Variants in ATP1B3 observed in about 807,000 individuals in gnomAD.
ATP1B3 encodes sodium/potassium-transporting ATPase subunit beta-3.
ATP1B3 carries 10 observed loss-of-function variants against 30.2 expected under a neutral mutation model. The ratio of observed to expected loss-of-function variants is 0.33; its 90% CI spans 0.20 to 0.56. The LOEUF is 0.56. Ranked by LOEUF, ATP1B3 falls within the 20% of genes least tolerant of loss-of-function variation. The pLI is 0.90. For missense variants in ATP1B3, 238 were observed against 336.7 expected (o/e 0.71, Z 2.29); for synonymous variants, 113 against 117.0 (o/e 0.97, Z 0.22).
intron 1 of ATP1B3, among the ~76,000 whole-genome samples, chr3:141,887,827 A>C (rs1340354983): frequency 2.0e-5 from 3 of 152,230 alleles, no homozygotes; most frequent in African/African-American, 4.8e-5. Context: ...GGTTTTATTT[A>C]TGTGAAATTC....
chr3:141,888,674 A>T (rs780268588), intron 1 of ATP1B3, among the ~76,000 whole-genome samples: 4 of 152,140 alleles, frequency 2.6e-5, no homozygotes, highest in African/African-American at 7.2e-5. Context: ...TAATCCCCAC[A>T]TGCCATGGGA....
intron 5 of ATP1B3, among the ~76,000 whole-genome samples, chr3:141,917,220 G>C (rs1348175582): frequency 2.0e-5 from 3 of 152,038 alleles, no homozygotes; most frequent in Non-Finnish European, 4.4e-5. Context: ...CCCACATTTT[G>C]AGAACTCCCG....
intron 1 of ATP1B3, among the ~76,000 whole-genome samples, chr3:141,879,652 G>C (rs1404253732): frequency 2.0e-5 from 3 of 151,200 alleles, no homozygotes; most frequent in African/African-American, 7.3e-5. Flanking sequence ...GGTGGCACCT[G>C]CCTGTAATCA....
intron 3 of ATP1B3, among the ~76,000 whole-genome samples, chr3:141,910,503 T>C (rs1038929177): frequency 6.6e-6 from 1 of 152,208 alleles, no homozygotes; most frequent in Non-Finnish European, 1.5e-5. Flanking sequence ...ATTGATTTAC[T>C]ATTTTTAGTT....
At chr3:141,916,440 G>T in intron 5 of ATP1B3, 1 of 649,248 alleles carries the variant, frequency 1.5e-6, no homozygotes, top group Non-Finnish European at 2.5e-6. Context: ...TTTTCCTTAA[G>T]GTAGAAGCAT....
At chr3:141,906,974 G>A (rs991142320) in intron 2 of ATP1B3, among the ~76,000 whole-genome samples, 193 bp from the exon 3 acceptor site, 12 of 152,164 alleles carry the variant, frequency 7.9e-5, no homozygotes, top group Non-Finnish European at 7.4e-5. Context: ...GTCTGAGATG[G>A]TTTTGAAGGT....
chr3:141,910,274 C>G (rs1368400371), intron 3 of ATP1B3, among the ~76,000 whole-genome samples: 4 of 152,100 alleles, frequency 2.6e-5, no homozygotes, highest in African/African-American at 4.8e-5. Flanking sequence ...AGCACCTGGC[C>G]TTTGGATGTG....
At chr3:141,906,382 A>G (rs936119808) in intron 2 of ATP1B3, among the ~76,000 whole-genome samples, 16 of 152,118 alleles carry the variant, frequency 1.1e-4, no homozygotes, top group Admixed American at 5.9e-4. Flanking sequence ...GTTTCACTAT[A>G]TTGGCCAGGC....
At chr3:141,878,989 C>T (rs1468030820) in intron 1 of ATP1B3, among the ~76,000 whole-genome samples, 1 of 152,136 alleles carries the variant, frequency 6.6e-6, no homozygotes, top group Non-Finnish European at 1.5e-5. Flanking sequence ...CTTGCAAAGG[C>T]AGGATCAGTT....
intron 5 of ATP1B3, among the ~76,000 whole-genome samples, chr3:141,919,403 C>T (rs1934526025): frequency 6.6e-6 from 1 of 152,058 alleles, no homozygotes; most frequent in African/African-American, 2.4e-5. Context: ...AGGTGTGAAC[C>T]ACCGCAGATG....
At chr3:141,905,536 A>G (rs1934249511) in intron 2 of ATP1B3, among the ~76,000 whole-genome samples, 2 of 151,946 alleles carry the variant, frequency 1.3e-5, no homozygotes, top group African/African-American at 4.8e-5. Flanking sequence ...TGTCTCAACC[A>G]TTTTTTTTCC....
intron 1 of ATP1B3, among the ~76,000 whole-genome samples, chr3:141,885,429 TTTTTC>T (rs1559864813): frequency 1.3e-5 from 2 of 151,754 alleles, no homozygotes; most frequent in Admixed American, 6.6e-5. Context: ...TGCCTTTTCT[TTTTTC>T]TTTTCTTTTC....
At chr3:141,907,514 G>A (rs569417757) in intron 3 of ATP1B3, among the ~76,000 whole-genome samples, 94 of 152,188 alleles carry the variant, frequency 6.2e-4, no homozygotes, top group African/African-American at 2.1e-3. Context: ...GGTAGCACGC[G>A]CCTGTAATTC....
intron 1 of ATP1B3, among the ~76,000 whole-genome samples, chr3:141,879,400 T>C (rs1933671897): frequency 6.6e-6 from 1 of 152,130 alleles, no homozygotes. Flanking sequence ...CAATTTATAC[T>C]CCCAACGGTA....
chr3:141,918,048 G>A (rs1934501014), intron 5 of ATP1B3, among the ~76,000 whole-genome samples: 1 of 152,062 alleles, frequency 6.6e-6, no homozygotes, highest in African/African-American at 2.4e-5. Context: ...GATTACAGGC[G>A]TGAGCCACCG....
intron 4 of ATP1B3, 36 bp from the exon 5 acceptor site, chr3:141,915,934 G>A (rs762785935): frequency 5.5e-5 from 86 of 1,553,128 alleles, no homozygotes; most frequent in Admixed American, 8.8e-5. Flanking sequence ...GCATACTTAC[G>A]TGAAGTTTAA....
At chr3:141,889,756 T>TATACAC (rs1201511323) in intron 1 of ATP1B3, among the ~76,000 whole-genome samples, 32 of 84,034 alleles carry the variant, frequency 3.8e-4, no homozygotes, top group East Asian at 2.0e-3. Flanking sequence ...AAAAAATATA[T>TATACAC]ACACACACAC....
chr3:141,892,471 A>T (rs1232128430), intron 1 of ATP1B3, among the ~76,000 whole-genome samples: 3 of 151,990 alleles, frequency 2.0e-5, no homozygotes, highest in African/African-American at 4.8e-5. Flanking sequence ...TATTCCTGCC[A>T]TATTATTGAC....
rs559884796 is a variant in ATP1B3, at chr3:141,883,410, C to T, written c.109+6500C>T. 1.8e-3 allele frequency among the ~76,000 whole-genome samples: 280 copies of T among 152,144 alleles called. 2 individuals are homozygous for T. The highest frequency in any genetic ancestry group is 6.5e-3 in the African/African-American group (270 of 41,498). ...ATAATGACCTGTAGTTGCAACTATT[C>T]GGGAGGCTGAGGTGGGAGGATCACC... On this transcript the variant is annotated intron_variant, in intron 1 of 6. Transcript: ENST00000286371.
Sources: allele counts gnomAD v4.1 joint callset (sites outside exome capture counted in the v4.1 genomes callset), GRCh38; gene constraint gnomAD v4.1.1; transcripts MANE v1.5; gene names NCBI Gene and HGNC (gene_info 2026-07-23, HGNC 2026-07-21).